The following CNTLN variants were observed in gnomAD, a reference collection of about 807,000 sequenced individuals.
CNTLN encodes centlein, also known as centlein, centrosomal protein.
CNTLN carries 212 observed loss-of-function variants against 180.0 expected under a neutral mutation model. That is an observed-to-expected ratio of 1.18 (90% CI 1.05 to 1.32). CNTLN has a LOEUF of 1.32. Among genes scored for constraint, CNTLN ranks in the 40% most tolerant of loss-of-function variants. The pLI is 0.00. For missense variants in CNTLN, 2,095 were observed against 1,610.9 expected (o/e 1.30, Z -5.14); for synonymous variants, 722 against 563.1 (o/e 1.28, Z -3.99).
At chr9:17,438,189 G>C (rs1331085002) in intron 18 of CNTLN, among the ~76,000 whole-genome samples, 2 of 152,094 alleles carry the variant, frequency 1.3e-5, no homozygotes, top group Admixed American at 1.3e-4. Context: ...GTTTTTTAAA[G>C]CTCTCAGGTG....
At chr9:17,482,060 A>C (rs181949287) in intron 23 of CNTLN, among the ~76,000 whole-genome samples, 1 of 152,332 alleles carries the variant, frequency 6.6e-6, no homozygotes, top group Non-Finnish European at 1.5e-5. Flanking sequence ...AAAATGACAT[A>C]ATCAAAGGAA....
intron 5 of CNTLN, among the ~76,000 whole-genome samples, chr9:17,254,497 C>G (rs948752827): frequency 1.7e-4 from 25 of 149,558 alleles, no homozygotes; most frequent in Admixed American, 8.7e-4. Flanking sequence ...GTGTAAGGGT[C>G]CAAATTCATT....
rs780788008 is a variant in CNTLN at position 17,395,034 on chromosome 9, C to T, written c.2580C>T (p.Leu860=). 2.5e-6 allele frequency: 4 copies of T among 1,611,460 alleles called. No homozygotes were observed. Among genetic ancestry groups the T allele is most frequent in the Non-Finnish European group, 3.4e-6 (4 of 1,178,154 alleles). The change falls in exon 15 of 26, where the codon CTC becomes CTT. Residue 860 remains leucine (L), a synonymous_variant. Coordinates refer to ENST00000380647, the MANE Select transcript of CNTLN (RefSeq NM_017738.4). The part of the protein sequence containing the change: ...IKVMSNVFEN[L]SKDGWEDVSE... ...TTATGAGCAATGTGTTTGAGAACCTCAGCAAGGACGGCTGGGAGGATGTGA... is the reference window on the plus strand; with the variant it reads ...TTATGAGCAATGTGTTTGAGAACCTTAGCAAGGACGGCTGGGAGGATGTGA...
chr9:17,300,980 A>G (rs1818303719), intron 7 of CNTLN: 15 of 983,416 alleles, frequency 1.5e-5, no homozygotes, highest in Non-Finnish European at 1.8e-5. Context: ...CAGACATTAA[A>G]TGGTAGAAGC....
intron 2 of CNTLN, among the ~76,000 whole-genome samples, chr9:17,199,607 T>C (rs1226678201): frequency 1.3e-5 from 2 of 152,214 alleles, no homozygotes; most frequent in Non-Finnish European, 2.9e-5. Flanking sequence ...TGATGAGCTT[T>C]TTTTCTATGT....
intron 12 of CNTLN, among the ~76,000 whole-genome samples, chr9:17,366,388 C>A (rs1468342898): frequency 6.6e-6 from 1 of 152,124 alleles, no homozygotes; most frequent in Non-Finnish European, 1.5e-5. Flanking sequence ...AAGTGATCCC[C>A]TTGCCTTGGC....
intron 23 of CNTLN, among the ~76,000 whole-genome samples, chr9:17,483,986 G>C (rs904111350): frequency 2.0e-5 from 3 of 152,154 alleles, no homozygotes; most frequent in African/African-American, 7.2e-5. Context: ...ACTAGTAGAA[G>C]TTGTTGTGCT....
At chr9:17,257,092 C>G (rs1490914674) in intron 5 of CNTLN, among the ~76,000 whole-genome samples, 1 of 151,918 alleles carries the variant, frequency 6.6e-6, no homozygotes, top group East Asian at 1.9e-4. Flanking sequence ...CGTCATCTAG[C>G]ATTAGGTATA....
chr9:17,299,687 G>C, intron 7 of CNTLN: 1 of 985,058 alleles, frequency 1.0e-6, no homozygotes, highest in Non-Finnish European at 1.2e-6. Context: ...TGCCCACTGT[G>C]TTTTTTGTTT....
chr9:17,458,902 G>A (rs1422587478), intron 19 of CNTLN, among the ~76,000 whole-genome samples: 1 of 151,784 alleles, frequency 6.6e-6, no homozygotes, highest in African/African-American at 2.4e-5. Flanking sequence ...ATGTGTCTCT[G>A]AAAATGTGGG....
chr9:17,459,103 G>T (rs1831306284), intron 19 of CNTLN, among the ~76,000 whole-genome samples: 1 of 151,776 alleles, frequency 6.6e-6, no homozygotes, highest in Non-Finnish European at 1.5e-5. Flanking sequence ...GCTAGGTCCA[G>T]TATTGTCTAA....
rs998630653 is a variant in CNTLN at position 17,446,641 on chromosome 9, T to C, written c.3115-10883T>C. On this transcript the variant is annotated intron_variant, in intron 18 of 25. Coordinates refer to ENST00000380647, the MANE Select transcript of CNTLN (RefSeq NM_017738.4). ...GAAATATATCATGGTCTATTATAAATTTTTAGAAGTCAAAAATTATTCTAA... is the reference window on the plus strand; with the variant it reads ...GAAATATATCATGGTCTATTATAAACTTTTAGAAGTCAAAAATTATTCTAA... Among the ~76,000 whole-genome samples, 5 of 152,296 alleles carry C rather than the reference T, an allele frequency of 3.3e-5. No homozygotes were observed. The East Asian group carries it at 9.6e-4, about 29-fold the overall frequency.
intron 23 of CNTLN, among the ~76,000 whole-genome samples, chr9:17,475,835 T>C (rs907510540): frequency 1.3e-4 from 19 of 145,542 alleles, no homozygotes; most frequent in Non-Finnish European, 2.2e-4. Context: ...ATCGCGCCAC[T>C]GCACTCCAGC....
chr9:17,479,951 C>A (rs1450786113), intron 23 of CNTLN, among the ~76,000 whole-genome samples: 2 of 152,148 alleles, frequency 1.3e-5, no homozygotes, highest in Admixed American at 6.6e-5. Flanking sequence ...GCTTGTACCA[C>A]AAGAGCCAGT....
intron 5 of CNTLN, among the ~76,000 whole-genome samples, chr9:17,270,944 G>GTTTTTT (rs1470630293): frequency 9.5e-6 from 1 of 105,482 alleles, no homozygotes; most frequent in Admixed American, 9.9e-5. Flanking sequence ...TCAGAGAGGA[G>GTTTTTT]TTCTTTTTTT....
intron 7 of CNTLN, chr9:17,301,533 T>G: frequency 1.0e-6 from 1 of 984,986 alleles, no homozygotes; most frequent in Non-Finnish European, 1.2e-6. Flanking sequence ...TTTTTGTTTC[T>G]CAGAGATTAC....
At chr9:17,225,947 G>C (rs886353059) in intron 2 of CNTLN, among the ~76,000 whole-genome samples, 1 of 151,976 alleles carries the variant, frequency 6.6e-6, no homozygotes, top group African/African-American at 2.4e-5. Context: ...AGCGATGACA[G>C]TATGGTTATT....
intron 5 of CNTLN, 87 bp from the exon 6 acceptor site, chr9:17,273,646 T>G: frequency 4.4e-6 from 3 of 684,050 alleles, no homozygotes; most frequent in Non-Finnish European, 4.4e-6. Context: ...TTCTCTGTCA[T>G]TTTGTAGAAT....
At chr9:17,210,631 C>T (rs530132134) in intron 2 of CNTLN, among the ~76,000 whole-genome samples, 1 of 152,318 alleles carries the variant, frequency 6.6e-6, no homozygotes, top group East Asian at 1.9e-4. Flanking sequence ...TGAGGAATCA[C>T]CACACTGTCT....
Sources: gnomAD v4.1 joint callset for allele counts (sites outside exome capture counted in the v4.1 genomes callset) on GRCh38, gnomAD v4.1.1 for gene constraint, MANE v1.5 for transcripts, NCBI Gene and HGNC (gene_info 2026-07-23, HGNC 2026-07-21) for gene names.